The following CDH4 variants were observed in gnomAD, a reference collection of about 807,000 sequenced individuals.
CDH4 encodes cadherin 4.
In CDH4, 33 loss-of-function variants were observed where a neutral mutation model predicts 86.0. The ratio of observed to expected loss-of-function variants is 0.38; its 90% CI spans 0.29 to 0.51. The LOEUF (loss-of-function observed/expected upper bound fraction) is 0.51. Among genes scored for constraint, CDH4 ranks in the 20% least tolerant of loss-of-function variants. The pLI, the probability that CDH4 is intolerant of heterozygous loss-of-function variation, is 0.86. For missense variants in CDH4, 1,114 were observed against 1,307.4 expected, an observed-to-expected ratio of 0.85 and a Z score of 2.28; for synonymous variants, 555 against 549.4, an observed-to-expected ratio of 1.01 and a Z score of -0.14.
At position 61,492,367 on chromosome 20, in the gene CDH4, T is replaced by TTGCTG. The variant is rs534977575; in HGVS notation, c.169+237430_169+237431insTGCTG. Among the ~76,000 whole-genome samples the TTGCTG allele has an allele frequency of 6.3e-3, 962 of 151,952 alleles. 8 individuals are homozygous for TTGCTG. The highest frequency in any genetic ancestry group is 0.022 in the African/African-American group (925 of 41,430). ...GATGTTGATGGTGGTGGTGTTGATGTAAGTGGTGTCAATATTGTTGATGTT... is the reference window on the plus strand; with the variant it reads ...GATGTTGATGGTGGTGGTGTTGATGTTGCTGAAGTGGTGTCAATATTGTTGATGTT... On this transcript the variant is annotated intron_variant, in intron 2 of 15. Coordinates refer to ENST00000614565, the MANE Select transcript of CDH4 (RefSeq NM_001794.5).
chr20:61,564,157 A>T (rs1443811830), intron 2 of CDH4, among the ~76,000 whole-genome samples: 1 of 152,210 alleles, frequency 6.6e-6, no homozygotes, highest in East Asian at 1.9e-4. Context: ...CCCTAAATCC[A>T]GGACAACCTC....
intron 2 of CDH4, among the ~76,000 whole-genome samples, chr20:61,713,670 G>A (rs1462746973): frequency 6.6e-6 from 1 of 152,204 alleles, no homozygotes; most frequent in Non-Finnish European, 1.5e-5. Context: ...GGCAAGGGCT[G>A]CCCCCCACTG....
chr20:61,369,406 A>G (rs2084827679), intron 2 of CDH4, among the ~76,000 whole-genome samples: 1 of 144,222 alleles, frequency 6.9e-6, no homozygotes, highest in Non-Finnish European at 1.5e-5. Flanking sequence ...AGCCAAGACC[A>G]TAACATTGCC....
At chr20:61,872,750 G>A (rs559015721) in intron 6 of CDH4, among the ~76,000 whole-genome samples, 1 of 152,370 alleles carries the variant, frequency 6.6e-6, no homozygotes, top group African/African-American at 2.4e-5. Context: ...TCCAGCCCCA[G>A]GACTTCCAGG....
chr20:61,699,571 T>C (rs2087751954), intron 2 of CDH4, among the ~76,000 whole-genome samples: 1 of 152,218 alleles, frequency 6.6e-6, no homozygotes, highest in African/African-American at 2.4e-5. Context: ...AACAGATTGC[T>C]TCTCACACAG....
At chr20:61,349,235 G>C (rs777102602) in intron 2 of CDH4, among the ~76,000 whole-genome samples, 2 of 152,218 alleles carry the variant, frequency 1.3e-5, no homozygotes, top group Non-Finnish European at 2.9e-5. Flanking sequence ...GGCCACATAT[G>C]CTCTACCTGC....
rs1181215221 is a variant in CDH4, at chr20:61,902,062, A to G, written c.1188+7015A>G. On this transcript the variant is annotated intron_variant, in intron 8 of 15. Coordinates refer to ENST00000614565, the MANE Select transcript of CDH4 (RefSeq NM_001794.5). The surrounding 1 kb of genome is among the most constrained non-coding windows in gnomAD (Gnocchi z 4.6). ...ACCAAGATGCAGTCCTGCGTGTCAC[A>G]CCTGAGGAGCAGCCTGGAGCCAGGG... Among the ~76,000 whole-genome samples the G allele has an allele frequency of 1.3e-5, 2 of 152,174 alleles. No homozygotes were observed. Among genetic ancestry groups the G allele is most frequent in the African/African-American group, 2.4e-5 (1 of 41,454 alleles).
At chr20:61,894,339 A>ACCTGCG (rs1164463381) in intron 7 of CDH4, among the ~76,000 whole-genome samples, 19 of 152,168 alleles carry the variant, frequency 1.2e-4, no homozygotes, top group African/African-American at 4.1e-4. Flanking sequence ...TAAAGCTCAC[A>ACCTGCG]CCTGCGCCTG....
chr20:61,629,140 T>C (rs1034975807), intron 2 of CDH4, among the ~76,000 whole-genome samples: 1 of 152,182 alleles, frequency 6.6e-6, no homozygotes, highest in Non-Finnish European at 1.5e-5. Context: ...AGCTGCGCCG[T>C]GGAGAGCAGA....
At chr20:61,806,047 G>A (rs1348030337) in intron 4 of CDH4, among the ~76,000 whole-genome samples, 1 of 152,210 alleles carries the variant, frequency 6.6e-6, no homozygotes, top group Non-Finnish European at 1.5e-5. Flanking sequence ...CCGCTCTGTG[G>A]CACCCAGTAC....
intron 7 of CDH4, among the ~76,000 whole-genome samples, chr20:61,881,368 T>C (rs1212781549): frequency 6.6e-6 from 1 of 152,108 alleles, no homozygotes; most frequent in Non-Finnish European, 1.5e-5. Flanking sequence ...CCAAGTGTGG[T>C]CCCGGGCAGG....
In CDH4 at chr20:61,585,426, A is replaced by G. The variant is rs562576997; in HGVS notation, c.170-158137A>G. 3.3e-5 allele frequency among the ~76,000 whole-genome samples: 5 copies of G among 152,284 alleles called. No homozygotes were observed. In the South Asian group the frequency reaches 8.3e-4, roughly 25 times the overall value. The stretch of plus-strand genomic sequence containing the variant: ...GGGTCCTGTTTTAGGGCAGGCCTAT[A>G]TTATTTGATGTACAGATATTTGTGT... On this transcript the variant is annotated intron_variant, in intron 2 of 15. Coordinates refer to ENST00000614565, the MANE Select transcript of CDH4 (RefSeq NM_001794.5).
rs1342887311 is a variant in CDH4 at position 61,681,572 on chromosome 20, G to A, written c.170-61991G>A. Reference sequence around the variant, plus strand: ...TCCCGAACTCTTGTTCCAAGGGGTAGGAGAAAAAGGGGGCATCATCTAGCA... The same window carrying A: ...TCCCGAACTCTTGTTCCAAGGGGTAAGAGAAAAAGGGGGCATCATCTAGCA... On this transcript the variant is annotated intron_variant, in intron 2 of 15. Transcript: ENST00000614565. The surrounding 1 kb of genome is among the most constrained non-coding windows in gnomAD (Gnocchi z 4.5). 6.6e-6 allele frequency among the ~76,000 whole-genome samples: 1 copy of A among 152,142 alleles called. No homozygotes were observed. Among genetic ancestry groups the A allele is most frequent in the Non-Finnish European group, 1.5e-5 (1 of 68,034 alleles).
At chr20:61,768,309 A>G (rs767569833) in intron 3 of CDH4, among the ~76,000 whole-genome samples, 2 of 152,214 alleles carry the variant, frequency 1.3e-5, no homozygotes, top group Admixed American at 6.5e-5. Context: ...ATGTAGTCAT[A>G]CACCCATACA....
intron 2 of CDH4, among the ~76,000 whole-genome samples, chr20:61,350,667 G>A (rs1447336194): frequency 6.6e-6 from 1 of 151,626 alleles, no homozygotes; most frequent in Non-Finnish European, 1.5e-5. Context: ...CATGATGCCA[G>A]CAGGACACCT....
At chr20:61,906,843 T>G (rs1036472141) in intron 8 of CDH4, among the ~76,000 whole-genome samples, 10 of 152,146 alleles carry the variant, frequency 6.6e-5, no homozygotes, top group African/African-American at 2.4e-4. Context: ...CTGTGGGGCC[T>G]GGCCAGAGCA....
intron 3 of CDH4, among the ~76,000 whole-genome samples, chr20:61,748,255 C>T (rs1213419354): frequency 6.6e-6 from 1 of 152,338 alleles, no homozygotes; most frequent in African/African-American, 2.4e-5. Flanking sequence ...GCCTCAGCCT[C>T]CTGAGTAGCT....
chr20:61,927,803 C>G (rs529927085), intron 11 of CDH4, among the ~76,000 whole-genome samples: 155 of 152,344 alleles, frequency 1.0e-3, no homozygotes, highest in African/African-American at 3.6e-3. Flanking sequence ...GAATGCCACA[C>G]CCCGCTGTGT....
At chr20:61,454,983 C>A (rs887074751) in intron 2 of CDH4, among the ~76,000 whole-genome samples, 2 of 152,180 alleles carry the variant, frequency 1.3e-5, no homozygotes, top group African/African-American at 4.8e-5. Flanking sequence ...ATATAATTCA[C>A]ATACCATAAA....
Sources: gnomAD v4.1 joint callset for allele counts (sites outside exome capture counted in the v4.1 genomes callset) on GRCh38, gnomAD v4.1.1 for gene constraint, Gnocchi (gnomAD v3.1) non-coding constraint, MANE v1.5 for transcripts, NCBI Gene and HGNC (gene_info 2026-07-23, HGNC 2026-07-21) for gene names.